ASCC3: variants seen among roughly 807,000 people sequenced by gnomAD.
The protein encoded by ASCC3 is ASC-1 complex subunit P200.
A neutral mutation model predicts 256.3 loss-of-function variants in ASCC3; 158 were observed. The ratio of observed to expected loss-of-function variants is 0.62; its 90% confidence interval spans 0.54 to 0.70. The LOEUF (loss-of-function observed/expected upper bound fraction) is 0.70. ASCC3 is among the 30% of genes least tolerant of loss of function. ASCC3 has a pLI of 0.00. For synonymous variants in ASCC3, 948 were observed against 883.4 expected, an observed-to-expected ratio of 1.07 and a Z score of -1.30; for missense variants, 2,259 against 2,626.0, an observed-to-expected ratio of 0.86 and a Z score of 3.05.
intron 20 of ASCC3, 75 bp from the exon 21 acceptor site, chr6:100,647,526 A>G (rs1282946487): frequency 7.5e-7 from 1 of 1,329,322 alleles, no homozygotes; most frequent in Non-Finnish European, 1.1e-6. Context: ...TATTATTCAA[A>G]CTCAGTCTGA....
intron 14 of ASCC3, among the ~76,000 whole-genome samples, chr6:100,677,882 G>C (rs1042473604): frequency 6.6e-6 from 1 of 151,860 alleles, no homozygotes; most frequent in Non-Finnish European, 1.5e-5. Flanking sequence ...AAAACTTTCC[G>C]TTTCTCTGTT....
intron 25 of ASCC3, among the ~76,000 whole-genome samples, chr6:100,632,182 T>TAAAAAAAAAAAAAAAAAAAAAAAA (rs35229827): frequency 9.8e-6 from 1 of 102,016 alleles, no homozygotes. Flanking sequence ...GCAAACTATC[T>TAAAAAAAAAAAAAAAAAAAAAAAA]AAAAAAAAAA....
intron 39 of ASCC3, among the ~76,000 whole-genome samples, chr6:100,514,447 T>C (rs917126251): frequency 2.0e-5 from 3 of 152,188 alleles, no homozygotes; most frequent in Non-Finnish European, 2.9e-5. Flanking sequence ...ACCTGTACCA[T>C]TAAATCAGTT....
chr6:100,625,624 G>C (rs1774190727), intron 29 of ASCC3, among the ~76,000 whole-genome samples: 1 of 151,994 alleles, frequency 6.6e-6, no homozygotes, highest in Non-Finnish European at 1.5e-5. Context: ...TAAAGACTGA[G>C]ACTCTCCATT....
At chr6:100,567,247 C>G (rs573090524) in intron 36 of ASCC3, among the ~76,000 whole-genome samples, 2 of 151,946 alleles carry the variant, frequency 1.3e-5, no homozygotes, top group Non-Finnish European at 2.9e-5. Flanking sequence ...CTATGCATAT[C>G]TATGCATAGT....
chr6:100,576,305 C>T (rs1241881158), intron 36 of ASCC3, among the ~76,000 whole-genome samples: 2 of 151,962 alleles, frequency 1.3e-5, no homozygotes, highest in African/African-American at 2.4e-5. Context: ...TAAAAAAATG[C>T]TGAAATAATT....
intron 37 of ASCC3, among the ~76,000 whole-genome samples, chr6:100,531,262 A>C (rs1003154078): frequency 2.6e-5 from 4 of 152,152 alleles, no homozygotes; most frequent in African/African-American, 9.7e-5. Flanking sequence ...GGCTGCTCTA[A>C]ACATTTATAA....
intron 13 of ASCC3, among the ~76,000 whole-genome samples, chr6:100,682,361 A>G (rs988836469): frequency 9.2e-5 from 14 of 152,192 alleles, no homozygotes; most frequent in Non-Finnish European, 1.9e-4. Context: ...ATCACAAAAT[A>G]TTTTTTACTT....
At chr6:100,560,183 T>G (rs1205812803) in intron 36 of ASCC3, among the ~76,000 whole-genome samples, 1 of 152,174 alleles carries the variant, frequency 6.6e-6, no homozygotes, top group African/African-American at 2.4e-5. Flanking sequence ...TTGCAAAATT[T>G]AGATGTTTGA....
At chr6:100,799,875 T>C (rs932196725) in intron 6 of ASCC3, among the ~76,000 whole-genome samples, 9 of 152,132 alleles carry the variant, frequency 5.9e-5, no homozygotes, top group African/African-American at 2.2e-4. Flanking sequence ...TTTTTTGAAA[T>C]GTGTTTCAAT....
chr6:100,858,946 T>G, intron 3 of ASCC3: 1 of 620,074 alleles, frequency 1.6e-6, no homozygotes, highest in Admixed American at 2.7e-5. Context: ...TCTACAATAG[T>G]ACTCTCATAC....
chr6:100,730,806 C>A (rs893690306), intron 10 of ASCC3, among the ~76,000 whole-genome samples: 3 of 152,114 alleles, frequency 2.0e-5, no homozygotes, highest in African/African-American at 7.2e-5. Flanking sequence ...TCAGTTAGTT[C>A]CACTCACTTC....
At chr6:100,861,444 CA>C (rs1050648338) in intron 3 of ASCC3, among the ~76,000 whole-genome samples, 8 of 151,972 alleles carry the variant, frequency 5.3e-5, no homozygotes, top group African/African-American at 1.9e-4. Flanking sequence ...ACAATTATAG[CA>C]AAATTGTCTA....
intron 3 of ASCC3, among the ~76,000 whole-genome samples, chr6:100,852,354 C>G (rs904974317): frequency 6.6e-6 from 1 of 152,138 alleles, no homozygotes; most frequent in African/African-American, 2.4e-5. Flanking sequence ...GGAGATGGAA[C>G]GGCTTTGGAC....
At chr6:100,695,882 C>G (rs1052683756) in intron 13 of ASCC3, among the ~76,000 whole-genome samples, 4 of 152,138 alleles carry the variant, frequency 2.6e-5, no homozygotes, top group African/African-American at 9.7e-5. Context: ...TAGGGAGAAG[C>G]AACACGGTCT....
intron 5 of ASCC3, among the ~76,000 whole-genome samples, chr6:100,804,521 A>G (rs1770072108): frequency 6.6e-6 from 1 of 152,162 alleles, no homozygotes; most frequent in Non-Finnish European, 1.5e-5. Context: ...ACTGTATCTG[A>G]CAAAGACCTA....
intron 37 of ASCC3, among the ~76,000 whole-genome samples, chr6:100,534,485 AT>A (rs1351638856): frequency 1.3e-5 from 2 of 152,224 alleles, no homozygotes; most frequent in African/African-American, 4.8e-5. Context: ...CACTTACTAC[AT>A]TTTACAAATA....
intron 10 of ASCC3, among the ~76,000 whole-genome samples, chr6:100,729,406 T>G (rs1314345351): frequency 6.6e-6 from 1 of 152,222 alleles, no homozygotes; most frequent in Non-Finnish European, 1.5e-5. Context: ...AAATGTGTAT[T>G]GGAAGCTATG....
intron 37 of ASCC3, among the ~76,000 whole-genome samples, chr6:100,531,634 A>G (rs1774881476): frequency 6.6e-6 from 1 of 152,040 alleles, no homozygotes; most frequent in African/African-American, 2.4e-5. Flanking sequence ...TGAAAAAACA[A>G]TGTCAGAATA....
Sources: allele counts gnomAD v4.1 joint callset (sites outside exome capture counted in the v4.1 genomes callset), GRCh38; gene constraint gnomAD v4.1.1; transcripts MANE v1.5; gene names NCBI Gene and HGNC (gene_info 2026-07-23, HGNC 2026-07-21).